Variants in NTRK1 observed in about 807,000 individuals in gnomAD.
The protein encoded by NTRK1 is neurotrophic receptor tyrosine kinase 1.
In NTRK1, 62 loss-of-function variants were observed where a neutral mutation model predicts 86.8. The observed-to-expected ratio is 0.71, with a 90% confidence interval of 0.58 to 0.88. NTRK1 has a LOEUF of 0.88. Ranked by LOEUF, NTRK1 falls within the 40% of genes least tolerant of loss-of-function variation. NTRK1 has a pLI of 0.00. For synonymous variants in NTRK1, 469 were observed against 456.6 expected, an observed-to-expected ratio of 1.03 and a Z score of -0.35; for missense variants, 967 against 1,078.4, an observed-to-expected ratio of 0.90 and a Z score of 1.45.
chr1:156,868,077 T>C, intron 4 of NTRK1, 27 bp from the exon 5 acceptor site: 3 of 1,613,490 alleles, frequency 1.9e-6, no homozygotes, highest in Non-Finnish European at 1.7e-6. Flanking sequence ...TTTCCTTGAC[T>C]CTGTTGGTGT....
intron 1 of NTRK1, chr1:156,841,984 C>T: frequency 3.2e-6 from 5 of 1,555,982 alleles, no homozygotes; most frequent in Middle Eastern, 1.8e-4. Flanking sequence ...GACTAAGATA[C>T]AGGGTGGGGG....
chr1:156,840,756 C>T (rs758336621), intron 1 of NTRK1: 2 of 787,276 alleles, frequency 2.5e-6, no homozygotes, highest in Non-Finnish European at 4.3e-6. Context: ...TCTGCCCCAC[C>T]CTCGGCCATC....
intron 1 of NTRK1, among the ~76,000 whole-genome samples, chr1:156,817,314 G>A (rs78982604): frequency 0.011 from 1,632 of 152,152 alleles, 14 homozygotes; most frequent in Non-Finnish European, 0.017. Flanking sequence ...TGGGCATGGT[G>A]GCTCATGCTT....
intron 1 of NTRK1, among the ~76,000 whole-genome samples, chr1:156,825,453 A>T (rs991945259): frequency 6.6e-6 from 1 of 152,220 alleles, no homozygotes; most frequent in African/African-American, 2.4e-5. Context: ...CCAATATAGC[A>T]AGAATAATAT....
intron 16 of NTRK1, 189 bp downstream of exon 16, chr1:156,880,346 C>G (rs777438507): frequency 3.1e-6 from 2 of 654,708 alleles, no homozygotes; most frequent in Non-Finnish European, 5.2e-6. Context: ...CTTATTCTTG[C>G]CTTCACCTAC....
At chr1:156,862,338 G>A (rs938377012) in intron 1 of NTRK1, among the ~76,000 whole-genome samples, 1 of 152,178 alleles carries the variant, frequency 6.6e-6, no homozygotes, top group Non-Finnish European at 1.5e-5. Context: ...TGCATGATGG[G>A]AGGGGGCATG....
rs754611476 is a variant in NTRK1 at position 156,873,896 on chromosome 1, G to A, written c.1114G>A (p.Ala372Thr). 4.2e-5 allele frequency: 66 copies of A among 1,577,302 alleles called. No individual in the cohort carries two copies. The highest frequency in any genetic ancestry group is 5.4e-5 in the Non-Finnish European group (63 of 1,160,788). Reference sequence around the variant, plus strand: ...TGCCAACCCCTTCGGCCAGGCCTCCGCCTCCATCATGGCTGCCTTCATGGA... The same window carrying A: ...TGCCAACCCCTTCGGCCAGGCCTCCACCTCCATCATGGCTGCCTTCATGGA... ...LAANPFGQASASIMAAFMDNP... is the reference protein window; with the variant it reads ...LAANPFGQASTSIMAAFMDNP... The change falls in exon 8 of 17, where the codon GCC (alanine) becomes ACC (threonine). Residue 372 changes from alanine to threonine, a missense_variant. Ala to Thr is a moderately conservative substitution (Grantham distance 58). Around this residue, in one of 2 missense-constraint regions of NTRK1, gnomAD observed 637 missense variants for 776.5 expected, o/e 0.82. Transcript: ENST00000524377.
At chr1:156,846,484 C>A (rs771276869) in intron 2 of NTRK1, 1 of 1,513,586 alleles carries the variant, frequency 6.6e-7, no homozygotes, top group African/African-American at 1.4e-5. Flanking sequence ...TGGATGCAGG[C>A]GTCTGACTGA....
intron 2 of NTRK1, chr1:156,852,080 C>A (rs199566786): frequency 3.1e-6 from 5 of 1,613,540 alleles, no homozygotes; most frequent in Non-Finnish European, 4.2e-6. Context: ...GTAGAGGTGG[C>A]GGCAAGCTAC....
chr1:156,861,095 G>C lies in NTRK1; in HGVS notation c.161G>C (p.Gly54Ala). The C allele has an allele frequency of 1.9e-6, 3 of 1,584,730 alleles. No homozygotes were observed. The highest frequency in any genetic ancestry group is 2.6e-6 in the Non-Finnish European group (3 of 1,169,596). Reference protein sequence around the residue: ...GSSGLRCTRDGALDSLHHLPG... With the variant: ...GSSGLRCTRDAALDSLHHLPG... ...TCGGGACTGCGATGCACCCGGGATGGGGCCCTGGATAGCCTCCACCACCTG... is the reference window on the plus strand; with the variant it reads ...TCGGGACTGCGATGCACCCGGGATGCGGCCCTGGATAGCCTCCACCACCTG... The change falls in exon 1 of 17, where the codon GGG becomes GCG. Residue 54 changes from glycine to alanine, a missense_variant. Around this residue, in one of 2 missense-constraint regions of NTRK1, gnomAD observed 330 missense variants for 302.0 expected, o/e 1.09. Coordinates refer to ENST00000524377, the MANE Select transcript of NTRK1 (RefSeq NM_002529.4).
intron 1 of NTRK1, among the ~76,000 whole-genome samples, chr1:156,821,453 C>CTGTG (rs59579534): frequency 0.046 from 6,367 of 137,930 alleles, 208 homozygotes; most frequent in African/African-American, 0.08. Flanking sequence ...CTAATTTAGC[C>CTGTG]TGTGTGTGTG....
intron 1 of NTRK1, among the ~76,000 whole-genome samples, chr1:156,822,781 G>A (rs1256389302): frequency 1.3e-5 from 2 of 152,014 alleles, no homozygotes; most frequent in South Asian, 2.1e-4. Flanking sequence ...TTGCTAAAAG[G>A]TGTAGATCCC....
intron 2 of NTRK1, chr1:156,842,272 C>A: frequency 6.2e-7 from 1 of 1,613,874 alleles, no homozygotes; most frequent in South Asian, 1.1e-5. Context: ...CAGGGTTGTT[C>A]TAGAGCCAAG....
Position 156,876,483 on chromosome 1 carries a change from C to T in NTRK1, c.1716C>T (p.Ile572=), listed in dbSNP as rs759767777. The T allele has an allele frequency of 6.2e-6, 10 of 1,613,734 alleles. No homozygotes were observed. The highest frequency in any genetic ancestry group is 4.4e-5 in the South Asian group (4 of 91,094). The change falls in exon 14 of 17, where the codon ATC becomes ATT. Residue 572 remains isoleucine (I), a synonymous_variant. Transcript: ENST00000524377. ...TCACCATGCTGCAGCACCAGCACATCGTGCGCTTCTTCGGCGTCTGCACCG... is the reference window on the plus strand; with the variant it reads ...TCACCATGCTGCAGCACCAGCACATTGTGCGCTTCTTCGGCGTCTGCACCG... ...ELLTMLQHQH[I]VRFFGVCTEG...
chr1:156,857,157 CTGTGTATGTGTGTG>C (rs747719836), upstream of NTRK1, among the ~76,000 whole-genome samples: 17 of 121,390 alleles, frequency 1.4e-4, no homozygotes, highest in African/African-American at 3.9e-4. Flanking sequence ...TGCCCAGCAG[CTGTGTATGTGTGTG>C]TGTGTGTGTG....
rs562377432 is a variant in NTRK1 at position 156,840,696 on chromosome 1, C to T, written c.-63-1385C>T. On this transcript the variant is annotated intron_variant, in intron 1 of 16. Coordinates refer to the NTRK1 transcript ENST00000392302. ...GAGGGACTCAGAGTCTGAGAAACTC[C>T]TATGGTGAGACCCCTCTGCCCACCC... 90 of 622,270 alleles carry T rather than the reference C, an allele frequency of 1.4e-4. No homozygotes were observed. In the South Asian group the frequency reaches 1.6e-3, roughly 11 times the overall value. 38.5% of individuals were successfully genotyped at this position (622,270 alleles called of 1,614,324 possible).
At chr1:156,845,345 C>T in intron 2 of NTRK1, 1 of 1,606,580 alleles carries the variant, frequency 6.2e-7, no homozygotes, top group Non-Finnish European at 8.5e-7. Flanking sequence ...AGCCACGCCC[C>T]TCAGCACCTG....
At chr1:156,841,624 C>A in intron 1 of NTRK1, 1 of 1,609,954 alleles carries the variant, frequency 6.2e-7, no homozygotes, top group Non-Finnish European at 8.5e-7. Context: ...CCAGATCCCG[C>A]CTCCACATCC....
Position 156,879,219 on chromosome 1 carries a change from G to T in NTRK1, c.1903G>T (p.Ala635Ser), listed in dbSNP as rs749869863. ...GCTGCTGGCCGTGGCTAGCCAGGTC[G>T]CTGCGGGGATGGTGTACCTGGCGGG... ...GQLLAVASQVAAGMVYLAGLH... is the reference protein window; with the variant it reads ...GQLLAVASQVSAGMVYLAGLH... The change falls in exon 15 of 17, where the codon GCT becomes TCT. Residue 635 changes from alanine (A) to serine (S), a missense_variant. By Grantham distance (99) the Ala-to-Ser change is moderately conservative (BLOSUM62 1). This residue lies in a region of NTRK1 where 637 missense variants were observed against 776.5 expected (regional missense o/e 0.82). Transcript: ENST00000524377. The T allele has an allele frequency of 1.9e-6, 3 of 1,613,942 alleles. No individual in the cohort carries two copies. The highest frequency in any genetic ancestry group is 2.2e-5 in the East Asian group (1 of 44,884).
Sources: allele counts gnomAD v4.1 joint callset (sites outside exome capture counted in the v4.1 genomes callset), GRCh38; gene constraint gnomAD v4.1.1; regional missense constraint gnomAD v4.1.1; transcripts MANE v1.5; gene names NCBI Gene and HGNC (gene_info 2026-07-23, HGNC 2026-07-21).